The following TFDP2 variants were observed in gnomAD, a reference collection of about 807,000 sequenced individuals.
TFDP2 encodes transcription factor Dp-2 (E2F dimerization partner 2).
In TFDP2, 17 loss-of-function variants were observed where a neutral mutation model predicts 59.3. The ratio of observed to expected loss-of-function variants is 0.29; its 90% CI spans 0.20 to 0.43. The LOEUF (loss-of-function observed/expected upper bound fraction) is 0.43. Ranked by LOEUF, TFDP2 falls within the 20% of genes least tolerant of loss-of-function variation. The pLI is 1.00. For synonymous variants in TFDP2, 180 were observed against 194.7 expected (o/e 0.92, Z 0.63); for missense variants, 391 against 528.8 (o/e 0.74, Z 2.56).
intron 7 of TFDP2, among the ~76,000 whole-genome samples, chr3:141,977,789 C>A (rs1940922090): frequency 6.6e-6 from 1 of 151,868 alleles, no homozygotes; most frequent in Admixed American, 6.6e-5. Context: ...TGGCTTACTG[C>A]AACCTCCGCC....
chr3:142,035,186 C>T (rs1314854476), intron 3 of TFDP2, among the ~76,000 whole-genome samples: 2 of 152,074 alleles, frequency 1.3e-5, no homozygotes, highest in African/African-American at 4.8e-5. Flanking sequence ...ACTGAATTAC[C>T]ATTAGGAGTG....
chr3:142,001,990 G>GTTT (rs140582209), intron 4 of TFDP2, among the ~76,000 whole-genome samples: 8 of 116,796 alleles, frequency 6.8e-5, no homozygotes, highest in Admixed American at 1.7e-4. Context: ...ACCATGCCTG[G>GTTT]TTTTTTTTTT....
intron 3 of TFDP2, among the ~76,000 whole-genome samples, chr3:142,077,756 C>A (rs927529295): frequency 3.9e-5 from 6 of 152,088 alleles, no homozygotes; most frequent in Admixed American, 3.9e-4. Flanking sequence ...ACATTCCAAG[C>A]TGGGTCATAT....
rs566694799 is a variant in TFDP2 at position 141,951,509 on chromosome 3, G to A, written c.*1004C>T. The stretch of plus-strand genomic sequence containing the variant: ...GTGACATGTACAAGGAAACACTGCT[G>A]TTCATATTCTTGAAATAGACTTTTC... On this transcript the variant is annotated 3_prime_UTR_variant, in exon 13 of 13. Coordinates refer to ENST00000489671, the MANE Select transcript of TFDP2 (RefSeq NM_001178139.2). The A allele has an allele frequency of 1.3e-5, 2 of 152,712 alleles. No homozygotes were observed. The highest frequency in any genetic ancestry group is 6.5e-5 in the Admixed American group (1 of 15,298). The allele number at this position is 152,712 out of a possible 1,614,324, so 9.5% of individuals were successfully genotyped here.
rs1350684684 is a variant in TFDP2 at position 141,969,064 on chromosome 3, TC to T, written c.732+1008del. Among the ~76,000 whole-genome samples, 13 of 83,612 alleles carry T rather than the reference TC, an allele frequency of 1.6e-4. 1 individual carries two copies. The highest frequency in any genetic ancestry group is 6.2e-4 in the African/African-American group (13 of 20,810). 54.9% of individuals were successfully genotyped at this position (83,612 alleles called of 152,430 possible). A position where few individuals can be genotyped will look rare whatever the true frequency, so the allele number is the denominator to read the frequency against. On this transcript the variant is annotated intron_variant, in intron 9 of 12. Coordinates refer to ENST00000489671, the MANE Select transcript of TFDP2 (RefSeq NM_001178139.2). The stretch of plus-strand genomic sequence containing the variant: ...TAGATATATATATAACATATATATC[TC>T]ATATATATGAGATATATATATATAA...
intron 3 of TFDP2, among the ~76,000 whole-genome samples, chr3:142,019,053 A>ATTTTTTTTTTTTTTTTTTTTTTTTTT (rs62999460): frequency 2.9e-5 from 4 of 140,316 alleles, no homozygotes; most frequent in Non-Finnish European, 3.1e-5. Flanking sequence ...TTCTTCGCAC[A>ATTTTTTTTTTTTTTTTTTTTTTTTTT]TTTTTTTTTT....
intron 1 of TFDP2, among the ~76,000 whole-genome samples, chr3:142,108,184 G>A (rs2061538320): frequency 6.6e-6 from 1 of 151,534 alleles, no homozygotes; most frequent in African/African-American, 2.4e-5. Context: ...AAGACCACAT[G>A]GTCTGTGTGT....
intron 5 of TFDP2, chr3:141,994,786 A>G: frequency 2.9e-6 from 1 of 342,828 alleles, no homozygotes; most frequent in East Asian, 4.6e-5. Context: ...TCCAGAGTTT[A>G]AAAAGTCACA....
At position 141,994,839 on chromosome 3, in the gene TFDP2, AAT is replaced by A. The variant is rs1446772775; in HGVS notation, c.308+179_308+180del. On this transcript the variant is annotated intron_variant, in intron 5 of 12. Coordinates refer to ENST00000489671, the MANE Select transcript of TFDP2 (RefSeq NM_001178139.2). The stretch of plus-strand genomic sequence containing the variant: ...ATTGCACTGTTTTTTTCTGTTTAAA[AAT>A]AGTTATTCCAGAGATTATTTATATC... The A allele has an allele frequency of 1.8e-4, 88 of 495,936 alleles. No homozygotes were observed. In the East Asian group the frequency reaches 2.9e-3, roughly 16 times the overall value. The allele number at this position is 495,936 out of a possible 1,614,324, so 30.7% of individuals were successfully genotyped here. A position where few individuals can be genotyped will look rare whatever the true frequency, so the allele number is the denominator to read the frequency against.
At chr3:142,003,719 C>T (rs11569192) in intron 4 of TFDP2, among the ~76,000 whole-genome samples, 119 of 152,274 alleles carry the variant, frequency 7.8e-4, no homozygotes, top group African/African-American at 2.4e-3. Context: ...AGTTCCAAAT[C>T]GCCTCTCCTT....
chr3:141,996,024 T>C (rs1344382550), intron 4 of TFDP2, among the ~76,000 whole-genome samples: 4 of 152,182 alleles, frequency 2.6e-5, no homozygotes, highest in Middle Eastern at 3.4e-3. Context: ...TTCACTATTA[T>C]AAAGAATGCT....
chr3:142,130,045 C>T (rs915424490), intron 1 of TFDP2, among the ~76,000 whole-genome samples: 7 of 151,972 alleles, frequency 4.6e-5, no homozygotes, highest in Middle Eastern at 3.4e-3. Flanking sequence ...TTCTCAAAAA[C>T]GTAAAAATAA....
chr3:142,075,936 C>A (rs1169922316), intron 3 of TFDP2, among the ~76,000 whole-genome samples: 38 of 139,600 alleles, frequency 2.7e-4, no homozygotes, highest in Admixed American at 2.7e-3. Flanking sequence ...GCTTTCCCGG[C>A]ATGGTGGCTC....
At chr3:142,009,924 A>T (rs9870186) in intron 3 of TFDP2, among the ~76,000 whole-genome samples, 1 of 151,962 alleles carries the variant, frequency 6.6e-6, no homozygotes, top group Non-Finnish European at 1.5e-5. Context: ...AGAAAAATCA[A>T]ATATTGAAAC....
intron 4 of TFDP2, among the ~76,000 whole-genome samples, chr3:142,001,310 G>A (rs1943743547): frequency 6.6e-6 from 1 of 152,212 alleles, no homozygotes; most frequent in South Asian, 2.1e-4. Context: ...GCCTACTGGA[G>A]CCACACCTGG....
chr3:142,115,209 A>G (rs1288046541), intron 1 of TFDP2, among the ~76,000 whole-genome samples: 1 of 152,108 alleles, frequency 6.6e-6, no homozygotes, highest in African/African-American at 2.4e-5. Context: ...AAAAGTCCAT[A>G]CAGATAAAGA....
chr3:142,043,197 C>T (rs1268011048), intron 3 of TFDP2, among the ~76,000 whole-genome samples: 3 of 151,664 alleles, frequency 2.0e-5, no homozygotes, highest in Admixed American at 1.3e-4. Flanking sequence ...CAGGCTCCTG[C>T]CACCACGCCC....
chr3:142,083,723 C>T (rs1289087211), intron 3 of TFDP2, among the ~76,000 whole-genome samples: 3 of 151,852 alleles, frequency 2.0e-5, no homozygotes, highest in African/African-American at 7.3e-5. Flanking sequence ...AACTCATTTT[C>T]CACAAAGGTG....
intron 3 of TFDP2, among the ~76,000 whole-genome samples, chr3:142,061,858 T>A (rs781672710): frequency 9.4e-5 from 14 of 149,478 alleles, no homozygotes; most frequent in Non-Finnish European, 1.8e-4. Flanking sequence ...AGCCAATCCC[T>A]ATAATCAATC....
Sources: allele counts gnomAD v4.1 joint callset (sites outside exome capture counted in the v4.1 genomes callset), GRCh38; gene constraint gnomAD v4.1.1; transcripts MANE v1.5; gene names NCBI Gene and HGNC (gene_info 2026-07-23, HGNC 2026-07-21).